SMYD3: variants seen among roughly 807,000 people sequenced by gnomAD.
SMYD3 encodes SET and MYND domain containing 3, also known as histone-lysine N-methyltransferase SMYD3.
SMYD3 carries 36 observed loss-of-function variants against 57.7 expected under a neutral mutation model. That is an observed-to-expected ratio of 0.62 (90% confidence interval 0.48 to 0.82). SMYD3 has a LOEUF of 0.82. SMYD3 is among the 40% of genes least tolerant of loss of function. SMYD3 has a pLI of 0.00. For synonymous variants in SMYD3, 211 were observed against 195.0 expected, an observed-to-expected ratio of 1.08 and a Z score of -0.68; for missense variants, 515 against 538.8, an observed-to-expected ratio of 0.96 and a Z score of 0.44.
chr1:246,027,812 AT>A (rs1455481561), intron 5 of SMYD3, among the ~76,000 whole-genome samples: 1 of 152,228 alleles, frequency 6.6e-6, no homozygotes, highest in Non-Finnish European at 1.5e-5. Flanking sequence ...TAAGAAATAC[AT>A]TTTGTAAGGC....
At chr1:246,101,090 T>G (rs1455905099) in intron 5 of SMYD3, among the ~76,000 whole-genome samples, 13 of 143,004 alleles carry the variant, frequency 9.1e-5, no homozygotes, top group African/African-American at 2.9e-4. Context: ...TTTTTTTTTT[T>G]TTTTTTTTTT....
intron 5 of SMYD3, among the ~76,000 whole-genome samples, chr1:246,139,916 A>G (rs1033542356): frequency 6.6e-6 from 1 of 152,188 alleles, no homozygotes; most frequent in African/African-American, 2.4e-5. Context: ...TCACTCTACA[A>G]TGACACAGCT....
intron 1 of SMYD3, among the ~76,000 whole-genome samples, chr1:246,382,625 G>A (rs1256181458): frequency 2.6e-5 from 4 of 151,750 alleles, no homozygotes; most frequent in African/African-American, 7.3e-5. Flanking sequence ...GCAGACCCAG[G>A]GTCCAAGTCC....
chr1:246,400,442 C>T (rs2066749113), intron 1 of SMYD3, among the ~76,000 whole-genome samples: 1 of 152,168 alleles, frequency 6.6e-6, no homozygotes, highest in African/African-American at 2.4e-5. Context: ...TGTTAGGTTG[C>T]CCAGGCTGGT....
intron 5 of SMYD3, among the ~76,000 whole-genome samples, chr1:246,022,631 C>T (rs535023237): frequency 3.9e-5 from 6 of 152,314 alleles, no homozygotes; most frequent in African/African-American, 1.4e-4. Flanking sequence ...CTGTATCTAT[C>T]AGCGTAGAAA....
intron 5 of SMYD3, among the ~76,000 whole-genome samples, chr1:246,037,508 T>G (rs1308287967): frequency 2.0e-5 from 3 of 152,216 alleles, no homozygotes; most frequent in African/African-American, 2.4e-5. Context: ...CCCATTTCCA[T>G]CCTGCTTCAA....
At chr1:246,400,146 A>C (rs1010224699) in intron 1 of SMYD3, among the ~76,000 whole-genome samples, 1 of 152,228 alleles carries the variant, frequency 6.6e-6, no homozygotes, top group African/African-American at 2.4e-5. Context: ...TAGGTGACTA[A>C]TTTTAAGACA....
At chr1:245,898,719 T>C (rs1003203471) in intron 8 of SMYD3, among the ~76,000 whole-genome samples, 1 of 152,214 alleles carries the variant, frequency 6.6e-6, no homozygotes, top group Non-Finnish European at 1.5e-5. Context: ...GAATTAACTC[T>C]AACAGGACTT....
chr1:246,377,935 C>T (rs960950902), intron 1 of SMYD3, among the ~76,000 whole-genome samples: 1 of 152,170 alleles, frequency 6.6e-6, no homozygotes, highest in African/African-American at 2.4e-5. Context: ...CCTCTTGATA[C>T]CGTCATTTCA....
chr1:245,890,203 C>A (rs1032497975), intron 8 of SMYD3, among the ~76,000 whole-genome samples: 112 of 152,240 alleles, frequency 7.4e-4, no homozygotes, highest in African/African-American at 2.4e-3. Flanking sequence ...CCCAAAAGCA[C>A]AGGCAACCAA....
chr1:246,115,035 A>G (rs543968861), intron 5 of SMYD3, among the ~76,000 whole-genome samples: 9 of 152,358 alleles, frequency 5.9e-5, no homozygotes, highest in Admixed American at 2.6e-4. Flanking sequence ...CGGAGCCTGA[A>G]GGAGGCCCTG....
chr1:245,813,110 G>T (rs989752397), intron 10 of SMYD3, among the ~76,000 whole-genome samples: 9 of 148,740 alleles, frequency 6.1e-5, no homozygotes, highest in African/African-American at 2.0e-4. Context: ...CGCCTCCCAG[G>T]TTCAAGTGAT....
At chr1:246,244,910 C>T (rs1425001435) in intron 5 of SMYD3, among the ~76,000 whole-genome samples, 2 of 152,134 alleles carry the variant, frequency 1.3e-5, no homozygotes, top group Non-Finnish European at 2.9e-5. Flanking sequence ...ATTCTGAATA[C>T]ATACCAAATG....
At chr1:245,928,716 G>A (rs2056543760) in intron 6 of SMYD3, among the ~76,000 whole-genome samples, 1 of 152,162 alleles carries the variant, frequency 6.6e-6, no homozygotes, top group Non-Finnish European at 1.5e-5. Flanking sequence ...CAGCAGCCAA[G>A]ATACCACTGA....
At chr1:246,331,992 C>CT (rs2065469581) in intron 3 of SMYD3, among the ~76,000 whole-genome samples, 1 of 152,182 alleles carries the variant, frequency 6.6e-6, no homozygotes, top group African/African-American at 2.4e-5. Flanking sequence ...CACTGCCTGG[C>CT]TATTCCCCTA....
intron 5 of SMYD3, among the ~76,000 whole-genome samples, chr1:246,094,724 G>C (rs1439683754): frequency 2.0e-5 from 3 of 152,214 alleles, no homozygotes; most frequent in Non-Finnish European, 4.4e-5. Flanking sequence ...GGATTTTAAA[G>C]TGACATATCA....
At chr1:246,215,396 A>G (rs1267827794) in intron 5 of SMYD3, among the ~76,000 whole-genome samples, 2 of 152,116 alleles carry the variant, frequency 1.3e-5, no homozygotes, top group Non-Finnish European at 2.9e-5. Flanking sequence ...GAGATCATCA[A>G]AAAGAGTCAG....
At chr1:246,396,612 A>G (rs2066677754) in intron 1 of SMYD3, among the ~76,000 whole-genome samples, 2 of 152,160 alleles carry the variant, frequency 1.3e-5, no homozygotes, top group African/African-American at 4.8e-5. Flanking sequence ...CTGTGTCCAC[A>G]CCCAAATTTC....
intron 5 of SMYD3, among the ~76,000 whole-genome samples, chr1:245,986,760 G>A (rs900504612): frequency 2.0e-5 from 3 of 152,168 alleles, no homozygotes. Flanking sequence ...ACGGGTCATC[G>A]TCAAAGAGAA....
Sources: allele counts gnomAD v4.1 joint callset (sites outside exome capture counted in the v4.1 genomes callset), GRCh38; gene constraint gnomAD v4.1.1; transcripts MANE v1.5; gene names NCBI Gene and HGNC (gene_info 2026-07-23, HGNC 2026-07-21).